The following TRMT44 variants were observed in gnomAD, a reference collection of about 807,000 sequenced individuals.
TRMT44 encodes the protein probable tRNA (uracil-O(2)-)-methyltransferase.
In TRMT44, 78 loss-of-function variants were observed where a neutral mutation model predicts 77.3. The ratio of observed to expected loss-of-function variants is 1.01; its 90% confidence interval spans 0.84 to 1.22. TRMT44 has a LOEUF of 1.22. TRMT44 is among the 50% of genes most tolerant of loss of function. The probability of loss-of-function intolerance (pLI) is 0.00; values close to 1 mark genes in which losing one functional copy is unlikely to be tolerated. For synonymous variants in TRMT44, 391 were observed against 383.3 expected, an observed-to-expected ratio of 1.02 and a Z score of -0.23; for missense variants, 1,090 against 964.4, an observed-to-expected ratio of 1.13 and a Z score of -1.73.
At chr4:8,443,250 G>A (rs187707366) in intron 1 of TRMT44, among the ~76,000 whole-genome samples, 2 of 152,206 alleles carry the variant, frequency 1.3e-5, no homozygotes, top group African/African-American at 4.8e-5. Flanking sequence ...CTGGACTGAG[G>A]ATTGGAGAGG....
downstream of TRMT44, among the ~76,000 whole-genome samples, chr4:8,496,687 G>A (rs922936214): frequency 6.6e-6 from 1 of 152,158 alleles, no homozygotes; most frequent in African/African-American, 2.4e-5. Flanking sequence ...TGCAGATGCA[G>A]GCGGTCACTG....
At chr4:8,443,745 A>T (rs1724892070) in intron 1 of TRMT44, among the ~76,000 whole-genome samples, 2 of 152,114 alleles carry the variant, frequency 1.3e-5, no homozygotes, top group African/African-American at 4.8e-5. Flanking sequence ...CTTAAGAGTA[A>T]TGTGACTGTT....
intron 2 of TRMT44, among the ~76,000 whole-genome samples, chr4:8,486,144 A>G (rs955280182): frequency 2.0e-5 from 3 of 152,180 alleles, no homozygotes; most frequent in East Asian, 1.9e-4. Flanking sequence ...TGAACAGTCC[A>G]GTTTCCAGTG....
At chr4:8,488,285 C>A (rs1445485076) in intron 2 of TRMT44, among the ~76,000 whole-genome samples, 3 of 152,174 alleles carry the variant, frequency 2.0e-5, no homozygotes, top group Non-Finnish European at 2.9e-5. Flanking sequence ...TGTGAAGAGA[C>A]CACCAAACAG....
chr4:8,461,726 G>A lies in TRMT44; in HGVS notation c.1204-2259G>A, dbSNP rs545491156. On this transcript the variant is annotated intron_variant, in intron 6 of 10. Transcript: ENST00000389737. The surrounding 1 kb of genome is among the most constrained non-coding windows in gnomAD (Gnocchi z 4.6). ...TTACCTCCCAACCTTCAGTCTCGGTGCTAAAATAGCCATGTTTATTCTAGT... is the reference window on the plus strand; with the variant it reads ...TTACCTCCCAACCTTCAGTCTCGGTACTAAAATAGCCATGTTTATTCTAGT... 6.6e-6 allele frequency among the ~76,000 whole-genome samples: 1 copy of A among 152,242 alleles called. No individual in the cohort carries two copies. Among genetic ancestry groups the A allele is most frequent in the South Asian group, 2.1e-4 (1 of 4,810 alleles).
At chr4:8,489,610 G>A (rs763706167) in intron 2 of TRMT44, among the ~76,000 whole-genome samples, 25 of 152,118 alleles carry the variant, frequency 1.6e-4, no homozygotes, top group Admixed American at 3.3e-4. Flanking sequence ...CCGAGTGGCT[G>A]GGATTACAGG....
intron 2 of TRMT44, among the ~76,000 whole-genome samples, chr4:8,447,447 G>C (rs1725124031): frequency 1.3e-5 from 2 of 152,150 alleles, no homozygotes; most frequent in Admixed American, 1.3e-4. Context: ...AAACAGTCTT[G>C]GGGATAATGT....
At chr4:8,457,388 G>C (rs1285094344) in intron 6 of TRMT44, among the ~76,000 whole-genome samples, 1 of 152,174 alleles carries the variant, frequency 6.6e-6, no homozygotes, top group Non-Finnish European at 1.5e-5. Context: ...GAAGTACCTG[G>C]TTAGTAAGGG....
intron 8 of TRMT44, among the ~76,000 whole-genome samples, chr4:8,467,263 C>G (rs73213426): frequency 6.6e-6 from 1 of 152,178 alleles, no homozygotes; most frequent in South Asian, 2.1e-4. Context: ...CATGTGCCCC[C>G]GCCGGGCGGC....
rs559947816 is a variant in TRMT44 at position 8,475,962 on chromosome 4, G to T, written c.2235G>T (p.Leu745=). 6.8e-6 allele frequency: 11 copies of T among 1,614,114 alleles called. No homozygotes were observed. The highest frequency in any genetic ancestry group is 3.3e-5 in the Admixed American group (2 of 60,030). ...CCPFAHGPAE[L]RPPRTTPRKK... is the part of the protein sequence containing the mutation. Reference sequence around the variant, plus strand: ...CGTTTGCCCATGGGCCTGCGGAGCTGCGGCCACCCCGGACCACCCCGAGGA... The same window carrying T: ...CGTTTGCCCATGGGCCTGCGGAGCTTCGGCCACCCCGGACCACCCCGAGGA... The change falls in exon 11 of 11, where the codon CTG becomes CTT. Residue 745 remains leucine (L), a synonymous_variant. Coordinates refer to ENST00000389737, the MANE Select transcript of TRMT44 (RefSeq NM_152544.3).
downstream of TRMT44, among the ~76,000 whole-genome samples, chr4:8,494,153 G>C (rs1019471353): frequency 6.6e-6 from 1 of 151,742 alleles, no homozygotes; most frequent in African/African-American, 2.4e-5. Flanking sequence ...GAAAAGTCAA[G>C]CTGGGAACTA....
Position 8,450,109 on chromosome 4 carries a change from G to A in TRMT44, c.954+221G>A, listed in dbSNP as rs919352416. Among the ~76,000 whole-genome samples, 20 of 151,780 alleles carry A rather than the reference G, an allele frequency of 1.3e-4. 1 individual carries two copies. Among genetic ancestry groups the A allele is most frequent in the Admixed American group, 1.3e-3 (20 of 15,242 alleles). ...AGCCTCTGGACTAGCTGGGACTACAGGAACATGCCACCACGCCTGGCTAAT... is the reference window on the plus strand; with the variant it reads ...AGCCTCTGGACTAGCTGGGACTACAAGAACATGCCACCACGCCTGGCTAAT... On this transcript the variant is annotated intron_variant, in intron 3 of 10. Transcript: ENST00000389737.
At chr4:8,475,671 T>C (rs1727328333) in intron 10 of TRMT44, 101 bp from the exon 11 acceptor site, 1 of 1,094,716 alleles carries the variant, frequency 9.1e-7, no homozygotes, top group African/African-American at 1.5e-5. Context: ...TCCCTGACCC[T>C]GGATTGGCAC....
intron 10 of TRMT44, among the ~76,000 whole-genome samples, chr4:8,473,015 T>C (rs1178725345): frequency 6.6e-6 from 1 of 152,232 alleles, no homozygotes; most frequent in Non-Finnish European, 1.5e-5. Flanking sequence ...TGGAAACGCT[T>C]CTGAGTAGGA....
At chr4:8,513,703 A>G in the TRMT44 span, among the ~76,000 whole-genome samples, 1 of 152,228 alleles carries the variant, frequency 6.6e-6, no homozygotes, top group Admixed American at 6.5e-5. Flanking sequence ...CAGTAGATCA[A>G]ACATAAAAAT....
intron 7 of TRMT44, 118 bp downstream of exon 7, chr4:8,464,209 A>C: frequency 1.4e-6 from 1 of 699,254 alleles, no homozygotes; most frequent in Non-Finnish European, 2.5e-6. Flanking sequence ...AAATGTGGGT[A>C]GTTCCAATTG....
rs181846161 is a variant in TRMT44, at chr4:8,444,852, A to G, written c.620-1624A>G. Among the ~76,000 whole-genome samples, 1 of 152,362 alleles carries G rather than the reference A, an allele frequency of 6.6e-6. No homozygotes were observed. Among genetic ancestry groups the G allele is most frequent in the African/African-American group, 2.4e-5 (1 of 41,590 alleles). ...AACATTTCATGTACCCTGTAAATAT[A>G]TATACCTGCTATGTACCCACAAAAA... On this transcript the variant is annotated intron_variant, in intron 1 of 10. Coordinates refer to ENST00000389737, the MANE Select transcript of TRMT44 (RefSeq NM_152544.3). This position sits in a 1 kb window ranked among gnomAD's most constrained non-coding sequence, Gnocchi z 4.0.
intron 10 of TRMT44, among the ~76,000 whole-genome samples, chr4:8,475,361 C>T (rs1336204113): frequency 6.6e-6 from 1 of 152,206 alleles, no homozygotes; most frequent in Non-Finnish European, 1.5e-5. Flanking sequence ...TGCCTCTCAG[C>T]CAGAGGGAAG....
At chr4:8,516,027 A>G in the TRMT44 span, among the ~76,000 whole-genome samples, 1 of 152,178 alleles carries the variant, frequency 6.6e-6, no homozygotes, top group Non-Finnish European at 1.5e-5. Context: ...CCCCCACGAC[A>G]AGATGGAAGT....
Sources: allele counts gnomAD v4.1 joint callset (sites outside exome capture counted in the v4.1 genomes callset), GRCh38; gene constraint gnomAD v4.1.1; non-coding constraint Gnocchi (gnomAD v3.1); transcripts MANE v1.5; gene names NCBI Gene and HGNC (gene_info 2026-07-23, HGNC 2026-07-21).